The following FRMD3 variants were observed in gnomAD, a reference collection of about 807,000 sequenced individuals.
FRMD3 encodes FERM domain-containing protein 3.
Under a neutral mutation model 70.2 loss-of-function variants are expected in FRMD3, and 33 were observed. That is an observed-to-expected ratio of 0.47 (90% CI 0.36 to 0.63). FRMD3 has a LOEUF of 0.63. Ranked by LOEUF, FRMD3 falls within the 20% of genes least tolerant of loss-of-function variation. FRMD3 has a pLI of 0.00. For synonymous variants in FRMD3, 279 were observed against 255.9 expected (o/e 1.09, Z -0.86); for missense variants, 632 against 711.4 (o/e 0.89, Z 1.27).
At chr9:83,479,634 AGG>A (rs1459335841) in intron 1 of FRMD3, among the ~76,000 whole-genome samples, 4 of 41,056 alleles carry the variant, frequency 9.7e-5, no homozygotes, top group African/African-American at 3.5e-4. Context: ...AAAGGAAGGA[AGG>A]AAGGAAGGAA....
intron 1 of FRMD3, among the ~76,000 whole-genome samples, chr9:83,444,332 G>C (rs780556074): frequency 4.6e-5 from 7 of 152,222 alleles, no homozygotes; most frequent in Non-Finnish European, 1.0e-4. Context: ...ATAAAACCAA[G>C]CTTAGGTCTG....
At chr9:83,456,051 C>T (rs1827808502) in intron 1 of FRMD3, among the ~76,000 whole-genome samples, 1 of 152,298 alleles carries the variant, frequency 6.6e-6, no homozygotes, top group Non-Finnish European at 1.5e-5. Context: ...CTGCCCTCAC[C>T]CACAAGCCAC....
chr9:83,245,984 GA>G lies in FRMD3; in HGVS notation c.*1933del. 1 of 984,306 alleles carries G rather than the reference GA, an allele frequency of 1.0e-6. No homozygotes were observed. The highest frequency in any genetic ancestry group is 4.7e-5 in the South Asian group (1 of 21,266). The allele number at this position is 984,306 out of a possible 1,614,324, so 61.0% of individuals were successfully genotyped here. On this transcript the variant is annotated 3_prime_UTR_variant, in exon 14 of 14. Transcript: ENST00000304195. The stretch of plus-strand genomic sequence containing the variant: ...TATTTAAAAAGCAAAATAAATCACT[GA>G]AAGCATATAGGAAAGGAAACCCCTC...
intron 1 of FRMD3, among the ~76,000 whole-genome samples, chr9:83,419,705 T>G (rs1826575186): frequency 6.6e-6 from 1 of 152,148 alleles, no homozygotes; most frequent in African/African-American, 2.4e-5. Context: ...GTGATGTGTG[T>G]GTGTGCTATG....
chr9:83,367,593 T>C (rs377679673), intron 3 of FRMD3, among the ~76,000 whole-genome samples: 1 of 152,182 alleles, frequency 6.6e-6, no homozygotes, highest in East Asian at 1.9e-4. Context: ...GAAGTGAGCA[T>C]CAGCTCCTAA....
chr9:83,417,275 T>C (rs993019973), intron 1 of FRMD3, among the ~76,000 whole-genome samples: 1 of 152,228 alleles, frequency 6.6e-6, no homozygotes, highest in Non-Finnish European at 1.5e-5. Context: ...CAAGCACTGT[T>C]CTAGGTGCTA....
At chr9:83,473,242 C>A (rs557820943) in intron 1 of FRMD3, among the ~76,000 whole-genome samples, 2 of 152,248 alleles carry the variant, frequency 1.3e-5, no homozygotes, top group South Asian at 4.1e-4. Flanking sequence ...CTCTTCCCAA[C>A]CCCCTGCCTC....
the FRMD3 span, among the ~76,000 whole-genome samples, chr9:83,581,661 A>G: frequency 1.3e-5 from 2 of 152,380 alleles, no homozygotes; most frequent in South Asian, 2.1e-4. Flanking sequence ...TTGTATACAA[A>G]TGTTCATAGA....
At chr9:83,408,830 GAACTGGAAGATT>G (rs1212058050) in intron 1 of FRMD3, among the ~76,000 whole-genome samples, 1 of 152,144 alleles carries the variant, frequency 6.6e-6, no homozygotes, top group Non-Finnish European at 1.5e-5. Flanking sequence ...AGAAACACGT[GAACTGGAAGATT>G]AACCATTCAG....
chr9:83,285,819 T>C (rs931832038), intron 13 of FRMD3, among the ~76,000 whole-genome samples: 3 of 152,200 alleles, frequency 2.0e-5, no homozygotes, highest in Non-Finnish European at 4.4e-5. Flanking sequence ...CCCACTGTAA[T>C]TTTTTTCTTC....
At chr9:83,559,059 A>C in the FRMD3 span, among the ~76,000 whole-genome samples, 1 of 152,220 alleles carries the variant, frequency 6.6e-6, no homozygotes, top group Non-Finnish European at 1.5e-5. Flanking sequence ...GGCAACAAAA[A>C]ATTTAGAATG....
chr9:83,535,502 T>C (rs1829873837), intron 1 of FRMD3, among the ~76,000 whole-genome samples: 1 of 152,194 alleles, frequency 6.6e-6, no homozygotes, highest in Non-Finnish European at 1.5e-5. Context: ...CAAGAGCTCC[T>C]GCTCCTCCTA....
At chr9:83,328,797 A>T (rs1045517668) in intron 6 of FRMD3, among the ~76,000 whole-genome samples, 3 of 152,182 alleles carry the variant, frequency 2.0e-5, no homozygotes, top group African/African-American at 4.8e-5. Context: ...GGATGGAAAG[A>T]TGCATGGATG....
At chr9:83,371,977 C>G (rs1255454942) in intron 3 of FRMD3, among the ~76,000 whole-genome samples, 1 of 152,256 alleles carries the variant, frequency 6.6e-6, no homozygotes, top group African/African-American at 2.4e-5. Flanking sequence ...ACCTGAAAAC[C>G]CTGCCCAGAA....
chr9:83,525,463 G>A (rs149356242), intron 1 of FRMD3, among the ~76,000 whole-genome samples: 53 of 152,236 alleles, frequency 3.5e-4, no homozygotes, highest in African/African-American at 1.3e-3. Flanking sequence ...GCCACAAGAG[G>A]TATCTGAGAT....
At chr9:83,273,429 GCAGCATACTGGTTAAGAGT>G (rs1365462345) in intron 13 of FRMD3, among the ~76,000 whole-genome samples, 2 of 150,978 alleles carry the variant, frequency 1.3e-5, no homozygotes, top group Admixed American at 1.3e-4. Context: ...ATGCTTGAAG[GCAGCATACTGGTTAAGAGT>G]CATCAGCACT....
intron 1 of FRMD3, among the ~76,000 whole-genome samples, chr9:83,522,708 C>T (rs1488198029): frequency 6.6e-6 from 1 of 151,688 alleles, no homozygotes; most frequent in Non-Finnish European, 1.5e-5. Flanking sequence ...GGACTACAGG[C>T]GCCCGCCACC....
In FRMD3 at chr9:83,335,766, C is replaced by G. The variant is rs185650335; in HGVS notation, c.473-127G>C. The G allele has an allele frequency of 1.7e-5, 12 of 719,512 alleles. No homozygotes were observed. The Admixed American group carries it at 3.3e-4, about 20-fold the overall frequency. The allele number at this position is 719,512 out of a possible 1,614,324, so 44.6% of individuals were successfully genotyped here. On this transcript the variant is annotated intron_variant, in intron 5 of 13. Transcript: ENST00000304195. Reference sequence around the variant, plus strand: ...AATAAACTCACCCAAAAATATGTATCTGTACCCAGAGAAAGCCTGAGTGTC... The same window carrying G: ...AATAAACTCACCCAAAAATATGTATGTGTACCCAGAGAAAGCCTGAGTGTC...
intron 1 of FRMD3, among the ~76,000 whole-genome samples, chr9:83,489,774 C>T (rs1029446347): frequency 2.6e-5 from 4 of 152,148 alleles, no homozygotes; most frequent in East Asian, 1.9e-4. Context: ...GAAAAAATCA[C>T]GTTTAATAGC....
Sources: allele counts gnomAD v4.1 joint callset (sites outside exome capture counted in the v4.1 genomes callset), GRCh38; gene constraint gnomAD v4.1.1; transcripts MANE v1.5; gene names NCBI Gene and HGNC (gene_info 2026-07-23, HGNC 2026-07-21).